Variants in LAG3 observed in about 807,000 individuals in gnomAD.
LAG3 encodes the protein lymphocyte activating 3.
In LAG3, 29 loss-of-function variants were observed where a neutral mutation model predicts 49.0. That is an observed-to-expected ratio of 0.59 (90% confidence interval 0.44 to 0.81). The LOEUF (loss-of-function observed/expected upper bound fraction) is 0.81, where lower values mean the gene tolerates loss of function less well. Among genes scored for constraint, LAG3 ranks in the 30% least tolerant of loss-of-function variants. LAG3 has a pLI of 0.00. For missense variants in LAG3, 693 were observed against 695.2 expected (o/e 1.00, Z 0.04); for synonymous variants, 320 against 297.3 (o/e 1.08, Z -0.79).
rs1352504071 is a variant in LAG3, at chr12:6,772,756, G to T, written c.-97G>T. 9 of 996,608 alleles carry T rather than the reference G, an allele frequency of 9.0e-6. No homozygotes were observed. The East Asian group carries it at 2.0e-4, about 22-fold the overall frequency. The allele number at this position is 996,608 out of a possible 1,614,324, so 61.7% of individuals were successfully genotyped here. On this transcript the variant is annotated 5_prime_UTR_variant, in exon 1 of 8. Transcript: ENST00000203629. ...AACCCCTTCCTCCACCTCCCTCTCT[G>T]CAGAACTTCTCCTTTACCCCCCACC...
chr12:6,774,734 C>G lies in LAG3; in HGVS notation c.651C>G (p.Pro217=), dbSNP rs547572877. 6.2e-7 allele frequency: 1 copy of G among 1,614,206 alleles called. No homozygotes were observed. The highest frequency in any genetic ancestry group is 1.1e-5 in the South Asian group (1 of 91,092). The change falls in exon 4 of 8, where the codon CCC becomes CCG. Residue 217 remains proline (P), a synonymous_variant. Transcript: ENST00000203629. ...GQGRVPVRES[P]HHHLAESFLF... ...GCCGAGTCCCTGTCCGGGAGTCCCC[C>G]CATCACCACTTAGCGGAAAGCTTCC...
At chr12:6,775,131 A>G in intron 4 of LAG3, 142 bp from the exon 5 acceptor site, 1 of 1,019,714 alleles carries the variant, frequency 9.8e-7, no homozygotes, top group South Asian at 1.6e-5. Flanking sequence ...GAGCCTCCTC[A>G]GCTCATCACC....
chr12:6,776,075 T>C (rs1941905668), intron 5 of LAG3, among the ~76,000 whole-genome samples: 2 of 152,214 alleles, frequency 1.3e-5, no homozygotes, highest in Admixed American at 1.3e-4. Context: ...CCATGACAGA[T>C]TAGCCATGTC....
intron 5 of LAG3, among the ~76,000 whole-genome samples, chr12:6,776,977 C>T (rs1395474051): frequency 1.3e-5 from 2 of 152,168 alleles, no homozygotes; most frequent in Non-Finnish European, 1.5e-5. Flanking sequence ...CATGATGGCT[C>T]ACACCTGTAA....
chr12:6,777,130 C>G (rs1941914858), intron 5 of LAG3, 134 bp from the exon 6 acceptor site: 2 of 877,912 alleles, frequency 2.3e-6, no homozygotes, highest in South Asian at 3.2e-5. Flanking sequence ...TGGCCATGAC[C>G]CATGATGTCC....
Position 6,773,956 on chromosome 12 carries a change from C to A in LAG3, c.466C>A (p.Arg156Ser). Reference protein sequence around the residue: ...EYRAAVHLRDRALSCRLRLRL... With the variant: ...EYRAAVHLRDSALSCRLRLRL... ...CCGCGCCGCGGTGCACCTCAGGGACCGCGCCCTCTCCTGCCGCCTCCGTCT... is the reference window on the plus strand; with the variant it reads ...CCGCGCCGCGGTGCACCTCAGGGACAGCGCCCTCTCCTGCCGCCTCCGTCT... Residue 156 changes from arginine to serine, a missense_variant, in exon 3 of 8, where the codon CGC becomes AGC. Arg to Ser is a moderately radical substitution (Grantham distance 110, BLOSUM62 -1). Coordinates refer to ENST00000203629, the MANE Select transcript of LAG3 (RefSeq NM_002286.6). This position sits in a 1 kb window ranked among gnomAD's most constrained non-coding sequence, Gnocchi z 5.5. 1.4e-6 allele frequency: 2 copies of A among 1,439,194 alleles called. No homozygotes were observed. The highest frequency in any genetic ancestry group is 1.8e-6 in the Non-Finnish European group (2 of 1,105,146). The allele number at this position is 1,439,194 out of a possible 1,614,324, so 89.2% of individuals were successfully genotyped here.
intron 3 of LAG3, 49 bp downstream of exon 3, chr12:6,774,050 C>T (rs1198445707): frequency 2.2e-6 from 3 of 1,374,460 alleles, no homozygotes; most frequent in East Asian, 3.1e-5. Flanking sequence ...GGGTCCCCAT[C>T]CCCTGCCTCC....
rs750917959 is a variant in LAG3 at position 6,774,650 on chromosome 12, C to T, written c.567C>T (p.Cys189=). 2 of 1,614,174 alleles carry T rather than the reference C, an allele frequency of 1.2e-6. No individual in the cohort carries two copies. Among genetic ancestry groups the T allele is most frequent in the Non-Finnish European group, 1.7e-6 (2 of 1,180,000 alleles). The change falls in exon 4 of 8, where the codon TGC becomes TGT. Residue 189 remains cysteine, a synonymous_variant. Transcript: ENST00000203629. ...LRASDWVILN[C]SFSRPDRPAS... ...CCTCCGACTGGGTCATTTTGAACTG[C>T]TCCTTCAGCCGCCCTGACCGCCCAG...
At chr12:6,777,675 C>T in intron 6 of LAG3, 116 bp from the exon 7 acceptor site, 1 of 1,462,204 alleles carries the variant, frequency 6.8e-7, no homozygotes, top group Non-Finnish European at 9.4e-7. Context: ...AGCTGAATGA[C>T]CCTGGGACAA....
chr12:6,774,456 T>C (rs1941881263), intron 3 of LAG3, 139 bp from the exon 4 acceptor site: 5 of 944,978 alleles, frequency 5.3e-6, no homozygotes, highest in East Asian at 5.1e-5. Context: ...GAAGCTGAGA[T>C]GGGGAGAGGG....
rs2137807655 is a variant in LAG3, at chr12:6,774,614, A to G, written c.531A>G (p.Gly177=). Residue 177 remains glycine, a synonymous_variant, in exon 4 of 8, where the codon GGA becomes GGG. Coordinates refer to ENST00000203629, the MANE Select transcript of LAG3 (RefSeq NM_002286.6). ...GQASMTASPP[G]SLRASDWVIL... is the part of the protein sequence containing the mutation. Reference sequence around the variant, plus strand: ...GCACAGTGACTGCCAGCCCCCCAGGATCTCTCAGAGCCTCCGACTGGGTCA... The same window carrying G: ...GCACAGTGACTGCCAGCCCCCCAGGGTCTCTCAGAGCCTCCGACTGGGTCA... The G allele has an allele frequency of 6.2e-7, 1 of 1,613,934 alleles. No homozygotes were observed. Among genetic ancestry groups the G allele is most frequent in the Non-Finnish European group, 8.5e-7 (1 of 1,179,928 alleles).
rs534956917 is a variant in LAG3 at position 6,776,263 on chromosome 12, G to A, written c.1057+715G>A. Among the ~76,000 whole-genome samples the A allele has an allele frequency of 1.3e-3, 200 of 152,092 alleles. 1 individual carries two copies. Among genetic ancestry groups the A allele is most frequent in the African/African-American group, 4.4e-3 (183 of 41,484 alleles). On this transcript the variant is annotated intron_variant, in intron 5 of 7. Transcript: ENST00000203629. ...CTAGATGTTATACCACCTCTCAGCC[G>A]CCTTACCCTGAACCCCAGCTTTTTC...
chr12:6,773,869 C>G lies in LAG3; in HGVS notation c.379C>G (p.Arg127Gly). 7.1e-7 allele frequency: 1 copy of G among 1,401,178 alleles called. No homozygotes were observed. Among genetic ancestry groups the G allele is most frequent in the South Asian group, 1.5e-5 (1 of 65,030 alleles). The allele number at this position is 1,401,178 out of a possible 1,614,324, so 86.8% of individuals were successfully genotyped here. Residue 127 changes from arginine (R) to glycine (G), a missense_variant, in exon 3 of 8, where the codon CGG becomes GGG. By Grantham distance (125) the Arg-to-Gly change is moderately radical. Coordinates refer to ENST00000203629, the MANE Select transcript of LAG3 (RefSeq NM_002286.6). The surrounding 1 kb of genome is among the most constrained non-coding windows in gnomAD (Gnocchi z 5.5). ...CCGCGTCCAGCTGGATGAGCGCGGC[C>G]GGCAGCGCGGGGACTTCTCGCTATG... ...QPRVQLDERGRQRGDFSLWLR... is the reference protein window; with the variant it reads ...QPRVQLDERGGQRGDFSLWLR...
rs1451240296 is a variant in LAG3, at chr12:6,773,346, A to T, written c.206+7A>T. The T allele has an allele frequency of 6.2e-7, 1 of 1,613,092 alleles. No individual in the cohort carries two copies. Among genetic ancestry groups the T allele is most frequent in the Middle Eastern group, 1.7e-4 (1 of 6,052 alleles). On this transcript the variant is annotated splice_region_variant and intron_variant, in intron 2 of 7. Coordinates refer to ENST00000203629, the MANE Select transcript of LAG3 (RefSeq NM_002286.6). This position sits in a 1 kb window ranked among gnomAD's most constrained non-coding sequence, Gnocchi z 5.5. ...GGCAGCATCAGCCAGACAGGTATGC[A>T]CCCCAAACTTGGGCAACAGGACCTC...
In LAG3 at chr12:6,772,571, C is replaced by T; in HGVS notation, c.-282C>T. The stretch of plus-strand genomic sequence containing the variant: ...CACGACGGCCACTTTGCTCTGTCTG[C>T]TCTCCGCCACGGCCCTGCTCTGTTC... On this transcript the variant is annotated 5_prime_UTR_variant, in exon 1 of 8. Coordinates refer to ENST00000203629, the MANE Select transcript of LAG3 (RefSeq NM_002286.6). 7.6e-6 allele frequency: 3 copies of T among 395,760 alleles called. No individual in the cohort carries two copies. Among genetic ancestry groups the T allele is most frequent in the Non-Finnish European group, 1.4e-5 (3 of 219,736 alleles). The allele number at this position is 395,760 out of a possible 1,614,324, so 24.5% of individuals were successfully genotyped here.
At position 6,777,907 on chromosome 12, in the gene LAG3, C is replaced by T. The variant is rs1199859323; in HGVS notation, c.1417C>T (p.Leu473Phe). The T allele has an allele frequency of 5.0e-6, 8 of 1,613,636 alleles. No individual in the cohort carries two copies. Among genetic ancestry groups the T allele is most frequent in the Non-Finnish European group, 6.8e-6 (8 of 1,179,928 alleles). Residue 473 changes from leucine (L) to phenylalanine (F), a missense_variant, in exon 7 of 8, where the codon CTT becomes TTT. Transcript: ENST00000203629. The part of the protein sequence containing the change: ...LLVTGAFGFH[L>F]WRRQWRPRRF... ...GGTGACTGGAGCCTTTGGCTTTCACCTTTGGAGAAGACAGGTGAGCCAGGG... is the reference window on the plus strand; with the variant it reads ...GGTGACTGGAGCCTTTGGCTTTCACTTTTGGAGAAGACAGGTGAGCCAGGG...
chr12:6,774,681 G>C lies in LAG3; in HGVS notation c.598G>C (p.Val200Leu), dbSNP rs1306862420. The C allele has an allele frequency of 6.2e-7, 1 of 1,614,084 alleles. No individual in the cohort carries two copies. Among genetic ancestry groups the C allele is most frequent in the Non-Finnish European group, 8.5e-7 (1 of 1,180,036 alleles). Residue 200 changes from valine to leucine, a missense_variant, in exon 4 of 8, where the codon GTG becomes CTG. Coordinates refer to ENST00000203629, the MANE Select transcript of LAG3 (RefSeq NM_002286.6). Reference sequence around the variant, plus strand: ...CAGCCGCCCTGACCGCCCAGCCTCTGTGCATTGGTTCCGGAACCGGGGCCA... The same window carrying C: ...CAGCCGCCCTGACCGCCCAGCCTCTCTGCATTGGTTCCGGAACCGGGGCCA... ...SFSRPDRPAS[V>L]HWFRNRGQGR...
chr12:6,774,932 C>T (rs1941889119), intron 4 of LAG3, 68 bp downstream of exon 4: 2 of 1,485,432 alleles, frequency 1.3e-6, no homozygotes, highest in African/African-American at 2.8e-5. Context: ...CCTCCCCTAA[C>T]TATGGGTCCC....
In LAG3 at chr12:6,773,966, C is replaced by G. The variant is rs766065899; in HGVS notation, c.476C>G (p.Ser159Cys). ...GTGCACCTCAGGGACCGCGCCCTCT[C>G]CTGCCGCCTCCGTCTGCGCCTGGGC... ...AAVHLRDRAL[S>C]CRLRLRLGQA... Residue 159 changes from serine (S) to cysteine (C), a missense_variant, in exon 3 of 8, where the codon TCC becomes TGC. Ser to Cys is a moderately radical substitution (Grantham distance 112). Coordinates refer to ENST00000203629, the MANE Select transcript of LAG3 (RefSeq NM_002286.6). The surrounding 1 kb of genome is among the most constrained non-coding windows in gnomAD (Gnocchi z 5.5). The G allele has an allele frequency of 2.6e-4, 373 of 1,440,446 alleles. No homozygotes were observed. The highest frequency in any genetic ancestry group is 3.3e-4 in the Non-Finnish European group (363 of 1,105,678). 89.2% of individuals were successfully genotyped at this position (1,440,446 alleles called of 1,614,324 possible).
Sources: allele counts gnomAD v4.1 joint callset (sites outside exome capture counted in the v4.1 genomes callset), GRCh38; gene constraint gnomAD v4.1.1; non-coding constraint Gnocchi (gnomAD v3.1); transcripts MANE v1.5; gene names NCBI Gene and HGNC (gene_info 2026-07-23, HGNC 2026-07-21).